The following CRY2 variants were observed in gnomAD, a reference collection of about 807,000 sequenced individuals.
The protein encoded by CRY2 is cryptochrome circadian regulator 2.
In CRY2, 31 loss-of-function variants were observed where a neutral mutation model predicts 69.5. That is an observed-to-expected ratio of 0.45 (90% confidence interval 0.34 to 0.60). The LOEUF (loss-of-function observed/expected upper bound fraction) is 0.60. Among genes scored for constraint, CRY2 ranks in the 20% least tolerant of loss-of-function variants. CRY2 has a pLI of 0.02. For missense variants in CRY2, 606 were observed against 797.8 expected, an observed-to-expected ratio of 0.76 and a Z score of 2.90; for synonymous variants, 303 against 312.2, an observed-to-expected ratio of 0.97 and a Z score of 0.31.
intron 11 of CRY2, among the ~76,000 whole-genome samples, chr11:45,878,607 G>A (rs1052852573): frequency 1.3e-5 from 2 of 152,126 alleles, no homozygotes; most frequent in African/African-American, 2.4e-5. Context: ...AAAAATTATT[G>A]AAAATAACAC....
At chr11:45,860,386 T>A (rs1160276592) in intron 3 of CRY2, among the ~76,000 whole-genome samples, 10 of 130,444 alleles carry the variant, frequency 7.7e-5, no homozygotes, top group Non-Finnish European at 9.7e-5. Flanking sequence ...ATGTTAGAGT[T>A]AAAAAAAAAA....
At chr11:45,877,846 G>T (rs1291073976) in intron 11 of CRY2, among the ~76,000 whole-genome samples, 1 of 152,232 alleles carries the variant, frequency 6.6e-6, no homozygotes, top group Non-Finnish European at 1.5e-5. Context: ...AGCAGCTCGA[G>T]TAACTAGTTG....
intron 5 of CRY2, among the ~76,000 whole-genome samples, chr11:45,864,084 C>T (rs2134639036): frequency 6.6e-6 from 1 of 152,290 alleles, no homozygotes; most frequent in South Asian, 2.1e-4. Context: ...TATGTGCCCC[C>T]TGTAGTCTTG....
At position 45,853,234 on chromosome 11, in the gene CRY2, A is replaced by G. The variant is rs751444836; in HGVS notation, c.216-2748A>G. ...GGCTGTTTGAGAATTAAATGAGGTA[A>G]TGTATGTGAAACAAGTAGAATAGTG... On this transcript the variant is annotated intron_variant, in intron 1 of 11. Transcript: ENST00000616080. 2.0e-5 allele frequency among the ~76,000 whole-genome samples: 3 copies of G among 152,216 alleles called. 1 individual carries two copies. The highest frequency in any genetic ancestry group is 4.4e-5 in the Non-Finnish European group (3 of 68,034).
At chr11:45,867,577 G>A in intron 5 of CRY2, 35 bp from the exon 6 acceptor site, 1 of 1,613,492 alleles carries the variant, frequency 6.2e-7, no homozygotes, top group Non-Finnish European at 8.5e-7. Flanking sequence ...TTACATCCAA[G>A]CCTTTCCTTT....
chr11:45,854,872 A>G (rs1419196953), intron 1 of CRY2, among the ~76,000 whole-genome samples: 1 of 152,160 alleles, frequency 6.6e-6, no homozygotes, highest in African/African-American at 2.4e-5. Context: ...TTCCTTCAAA[A>G]TAGTTGAGAG....
At chr11:45,863,086 A>T (rs1374427629) in intron 5 of CRY2, among the ~76,000 whole-genome samples, 1 of 152,236 alleles carries the variant, frequency 6.6e-6, no homozygotes. Flanking sequence ...GTGTCCAGTC[A>T]ACAGTGAAGG....
intron 2 of CRY2, among the ~76,000 whole-genome samples, chr11:45,857,547 C>G (rs997137066): frequency 4.6e-5 from 7 of 152,220 alleles, no homozygotes; most frequent in Admixed American, 1.3e-4. Context: ...AGGCCCCATA[C>G]TAGGTATAAG....
chr11:45,863,771 A>C (rs559484922), intron 5 of CRY2, among the ~76,000 whole-genome samples: 3 of 152,044 alleles, frequency 2.0e-5, no homozygotes, highest in Admixed American at 6.6e-5. Context: ...CCAGACTTGC[A>C]TCATGAGTCC....
chr11:45,847,194 G>GA (rs1288540740), upstream of CRY2: 33 of 1,549,376 alleles, frequency 2.1e-5, no homozygotes, highest in African/African-American at 3.7e-4. Context: ...CCTACTCCCG[G>GA]CACTCCGCGG....
chr11:45,878,739 A>G (rs1039179680), intron 11 of CRY2, among the ~76,000 whole-genome samples: 2 of 151,700 alleles, frequency 1.3e-5, no homozygotes, highest in African/African-American at 4.8e-5. Flanking sequence ...CCTGGGCAAC[A>G]TGGTGAAACC....
intron 5 of CRY2, chr11:45,867,322 C>A: frequency 2.7e-6 from 1 of 374,786 alleles, no homozygotes; most frequent in Non-Finnish European, 4.8e-6. Flanking sequence ...CATTTTAATC[C>A]ACAGAAGATT....
rs2086358113 is a variant in CRY2 at position 45,869,549 on chromosome 11, T to C, written c.926T>C (p.Leu309Pro). Residue 309 changes from leucine (L) to proline (P), a missense_variant, in exon 7 of 12, where the codon CTC (leucine) becomes CCC (proline). Physicochemically the swap from Leu to Pro is moderately conservative, Grantham distance 98. Transcript: ENST00000616080. The stretch of plus-strand genomic sequence containing the variant: ...CCTCCCCTCTCCCTATTTGGGCAAC[T>C]CCTATGGCGAGAGTTCTTCTACACG... ...STPPLSLFGQ[L>P]LWREFFYTAA... The C allele has an allele frequency of 1.2e-6, 2 of 1,613,988 alleles. No individual in the cohort carries two copies. Among genetic ancestry groups the C allele is most frequent in the Admixed American group, 3.3e-5 (2 of 60,012 alleles).
intron 1 of CRY2, among the ~76,000 whole-genome samples, chr11:45,851,392 C>T (rs554678678): frequency 6.6e-6 from 1 of 152,328 alleles, no homozygotes; most frequent in Non-Finnish European, 1.5e-5. Flanking sequence ...AAACTGGGAA[C>T]TTCCCAGGAT....
intron 11 of CRY2, among the ~76,000 whole-genome samples, chr11:45,872,803 C>A (rs1362738002): frequency 3.9e-5 from 6 of 152,122 alleles, no homozygotes; most frequent in Non-Finnish European, 7.4e-5. Flanking sequence ...CTGAGACCTG[C>A]GTGTGAAGCA....
At chr11:45,848,657 A>G (rs1273981675) in intron 1 of CRY2, among the ~76,000 whole-genome samples, 3 of 152,236 alleles carry the variant, frequency 2.0e-5, no homozygotes, top group African/African-American at 7.2e-5. Context: ...GTTTTGAGAC[A>G]TAATGTACCC....
At chr11:45,847,856 C>G in intron 1 of CRY2, 151 bp downstream of exon 1, 1 of 1,158,074 alleles carries the variant, frequency 8.6e-7, no homozygotes, top group Non-Finnish European at 1.2e-6. Flanking sequence ...ATGGTCCTAA[C>G]GCGCCGGTGG....
In CRY2 at chr11:45,859,010, A is replaced by G. The variant is rs1360943399; in HGVS notation, c.467+137A>G. 6 of 1,047,248 alleles carry G rather than the reference A, an allele frequency of 5.7e-6. No homozygotes were observed. The African/African-American group carries it at 9.6e-5, about 17-fold the overall frequency. The allele number at this position is 1,047,248 out of a possible 1,614,324, so 64.9% of individuals were successfully genotyped here. A position where few individuals can be genotyped will look rare whatever the true frequency, so the allele number is the denominator to read the frequency against. On this transcript the variant is annotated intron_variant, in intron 3 of 11. Transcript: ENST00000616080. Reference sequence around the variant, plus strand: ...CATGGCATCTTCTAGAAGCTGGAGGAGAATAGGCCAGAGTCAGGACCTGTA... The same window carrying G: ...CATGGCATCTTCTAGAAGCTGGAGGGGAATAGGCCAGAGTCAGGACCTGTA...
chr11:45,865,154 A>C (rs2086320157), intron 5 of CRY2, among the ~76,000 whole-genome samples: 1 of 152,198 alleles, frequency 6.6e-6, no homozygotes. Flanking sequence ...CACAAAGAAT[A>C]ACTGTGAAAA....
Sources: gnomAD v4.1 joint callset for allele counts (sites outside exome capture counted in the v4.1 genomes callset) on GRCh38, gnomAD v4.1.1 for gene constraint, MANE v1.5 for transcripts, NCBI Gene and HGNC (gene_info 2026-07-23, HGNC 2026-07-21) for gene names.